The following JADE1 variants were observed in gnomAD, a reference collection of about 807,000 sequenced individuals.
JADE1 encodes the protein jade family PHD finger 1.
In JADE1, 14 loss-of-function variants were observed where a neutral mutation model predicts 81.8. That is an observed-to-expected ratio of 0.17 (90% CI 0.11 to 0.27). JADE1 has a LOEUF of 0.27. Among genes scored for constraint, JADE1 ranks in the 10% least tolerant of loss-of-function variants. The pLI is 1.00. For synonymous variants in JADE1, 353 were observed against 391.9 expected, an observed-to-expected ratio of 0.90 and a Z score of 1.17; for missense variants, 690 against 1,047.9, an observed-to-expected ratio of 0.66 and a Z score of 4.71.
chr4:128,862,272 C>T, intron 9 of JADE1, 47 bp downstream of exon 9: 5 of 1,610,626 alleles, frequency 3.1e-6, no homozygotes, highest in Non-Finnish European at 3.4e-6. Flanking sequence ...GAAGAAGATG[C>T]AAAGAGGCGA....
At chr4:128,815,140 C>CCCTGTAAGCTCCGCCTT in intron 1 of JADE1, among the ~76,000 whole-genome samples, 1 of 145,006 alleles carries the variant, frequency 6.9e-6, no homozygotes, top group Non-Finnish European at 1.5e-5. Context: ...AGCTCCGCCT[C>CCCTGTAAGCTCCGCCTT]CCTGTAAGCT....
rs2125856397 is a variant in JADE1 at position 128,846,321 on chromosome 4, T to C, written c.139-54T>C. 6.4e-7 allele frequency: 1 copy of C among 1,567,122 alleles called. No homozygotes were observed. ...ATGGTTACATTGCAGCTGCCAGCAC[T>C]CTGAATAAGAATGCAAATATCAAAT... On this transcript the variant is annotated intron_variant, in intron 3 of 10. Transcript: ENST00000226319. This position sits in a 1 kb window ranked among gnomAD's most constrained non-coding sequence, Gnocchi z 4.0.
chr4:128,849,185 C>T lies in JADE1; in HGVS notation c.484+18C>T. The T allele has an allele frequency of 6.3e-7, 1 of 1,578,096 alleles. No homozygotes were observed. The highest frequency in any genetic ancestry group is 8.6e-7 in the Non-Finnish European group (1 of 1,158,150). ...GGAGATGGGTGAGAGACCATGTATTCTATTATTTTATTAACCAATGATGAA... is the reference window on the plus strand; with the variant it reads ...GGAGATGGGTGAGAGACCATGTATTTTATTATTTTATTAACCAATGATGAA... On this transcript the variant is annotated intron_variant, in intron 5 of 10. Coordinates refer to ENST00000226319, the MANE Select transcript of JADE1 (RefSeq NM_199320.4).
At chr4:128,861,585 C>T in intron 8 of JADE1, 119 bp from the exon 9 acceptor site, 10 of 1,143,254 alleles carry the variant, frequency 8.7e-6, no homozygotes, top group African/African-American at 1.5e-5. Flanking sequence ...TGTCATGGCA[C>T]ATGCTTGAAG....
chr4:128,852,361 G>T, intron 6 of JADE1, 93 bp downstream of exon 6: 2 of 967,376 alleles, frequency 2.1e-6, no homozygotes, highest in East Asian at 2.4e-5. Context: ...TTCTTCCTCC[G>T]AATGGGGTCT....
chr4:128,827,989 C>A, intron 1 of JADE1: 2 of 544,914 alleles, frequency 3.7e-6, no homozygotes, highest in Non-Finnish European at 4.7e-6. Flanking sequence ...CTCAGTCTTA[C>A]CAGCCTCCTC....
chr4:128,842,784 T>A (rs534213379), intron 2 of JADE1, among the ~76,000 whole-genome samples, 169 bp from the exon 3 acceptor site: 1 of 152,236 alleles, frequency 6.6e-6, no homozygotes, highest in South Asian at 2.1e-4. Flanking sequence ...GAGAGTTAAA[T>A]AACTGATGGA....
In JADE1 at chr4:128,871,771, C is replaced by A. The variant is rs753133463; in HGVS notation, c.2038C>A (p.Gln680Lys). Residue 680 changes from glutamine (Q) to lysine (K), a missense_variant, in exon 11 of 11, where the codon CAG becomes AAG. Physicochemically the swap from Gln to Lys is moderately conservative, Grantham distance 53. Transcript: ENST00000226319. This position sits in a 1 kb window ranked among gnomAD's most constrained non-coding sequence, Gnocchi z 4.1. ...KGDLKDKSFK[Q>K]SHKPLRSTDV... ...AGACTTAAAGGACAAATCTTTTAAA[C>A]AGAGTCACAAGCCTCTCAGGTCCAC... 2.2e-5 allele frequency: 35 copies of A among 1,614,002 alleles called. 1 individual carries two copies. The South Asian group carries it at 3.7e-4, about 17-fold the overall frequency.
intron 1 of JADE1, among the ~76,000 whole-genome samples, chr4:128,813,427 T>TG (rs60830879): frequency 4.4e-5 from 6 of 136,600 alleles, no homozygotes; most frequent in African/African-American, 1.5e-4. Context: ...TTTTTTTTTT[T>TG]GTTCCTTGAG....
At chr4:128,813,149 G>A (rs2125781324) in intron 1 of JADE1, among the ~76,000 whole-genome samples, 1 of 152,328 alleles carries the variant, frequency 6.6e-6, no homozygotes, top group Admixed American at 6.5e-5. Flanking sequence ...AGATTTTATA[G>A]TAAGTTGCAT....
In JADE1 at chr4:128,874,050, T is replaced by C. The variant is rs1380821614; in HGVS notation, c.*1788T>C. ...AGGTTTTTAGATTGACTGACTATTT[T>C]TGAGTTATGGGGCTCATTTTGAAAG... On this transcript the variant is annotated 3_prime_UTR_variant, in exon 11 of 11. Coordinates refer to ENST00000226319, the MANE Select transcript of JADE1 (RefSeq NM_199320.4). 1 of 152,652 alleles carries C rather than the reference T, an allele frequency of 6.6e-6. No homozygotes were observed. The highest frequency in any genetic ancestry group is 1.9e-4 in the East Asian group (1 of 5,196). The allele number at this position is 152,652 out of a possible 1,614,324, so 9.5% of individuals were successfully genotyped here. A position where few individuals can be genotyped will look rare whatever the true frequency, so the allele number is the denominator to read the frequency against.
rs963416315 is a variant in JADE1 at position 128,846,949 on chromosome 4, G to A, written c.296+417G>A. Among the ~76,000 whole-genome samples the A allele has an allele frequency of 1.3e-5, 2 of 152,220 alleles. No individual in the cohort carries two copies. Among genetic ancestry groups the A allele is most frequent in the African/African-American group, 4.8e-5 (2 of 41,452 alleles). ...GCTTTGTTGGGAACTAGCGCGGGCA[G>A]CTGCTCTGCCTACTGCGGTTGCCTC... On this transcript the variant is annotated intron_variant, in intron 4 of 10. Transcript: ENST00000226319. This position sits in a 1 kb window ranked among gnomAD's most constrained non-coding sequence, Gnocchi z 4.0.
intron 2 of JADE1, among the ~76,000 whole-genome samples, chr4:128,838,818 A>T (rs1008217958): frequency 2.0e-5 from 3 of 151,870 alleles, no homozygotes; most frequent in Non-Finnish European, 4.4e-5. Context: ...CTGTAGGGAG[A>T]GGTGTTGGTG....
chr4:128,830,273 G>A (rs978696197), intron 1 of JADE1, among the ~76,000 whole-genome samples: 1 of 138,600 alleles, frequency 7.2e-6, no homozygotes, highest in African/African-American at 2.7e-5. Flanking sequence ...GGTCTCTGTC[G>A]CCCAGGCTGG....
intron 2 of JADE1, among the ~76,000 whole-genome samples, chr4:128,834,609 A>C (rs1728828848): frequency 1.4e-5 from 2 of 139,248 alleles, no homozygotes. Context: ...ATCTCGGCTC[A>C]CTGCAAGCTC....
At position 128,855,613 on chromosome 4, in the gene JADE1, G is replaced by A. The variant is rs1423001635; in HGVS notation, c.697-17G>A. On this transcript the variant is annotated splice_polypyrimidine_tract_variant and intron_variant, in intron 6 of 10. Transcript: ENST00000226319. ...CTCTTTCTCTCTATTCCTCTGGGAT[G>A]TGCCGTGGCATCACAGGCCTGTTAT... 5 of 1,597,408 alleles carry A rather than the reference G, an allele frequency of 3.1e-6. No homozygotes were observed. Among genetic ancestry groups the A allele is most frequent in the Non-Finnish European group, 4.3e-6 (5 of 1,169,476 alleles).
At chr4:128,848,539 CG>C (rs1381309231) in intron 4 of JADE1, among the ~76,000 whole-genome samples, 1 of 152,062 alleles carries the variant, frequency 6.6e-6, no homozygotes, top group Non-Finnish European at 1.5e-5. Context: ...TGAGGGTTGG[CG>C]GGTTTCTCCC....
At position 128,809,725 on chromosome 4, in the gene JADE1, C is replaced by G. The variant is rs950232639; in HGVS notation, c.-179C>G. On this transcript the variant is annotated 5_prime_UTR_variant, in exon 1 of 11. Transcript: ENST00000226319. ...CTCCATAACAAGCCAAACGCCAGACCGAGAGTGCCTCCGTGCGCGAGTGCC... is the reference window on the plus strand; with the variant it reads ...CTCCATAACAAGCCAAACGCCAGACGGAGAGTGCCTCCGTGCGCGAGTGCC... The G allele has an allele frequency of 6.6e-6, 1 of 152,292 alleles. No individual in the cohort carries two copies. Among genetic ancestry groups the G allele is most frequent in the African/African-American group, 2.4e-5 (1 of 41,442 alleles). The allele number at this position is 152,292 out of a possible 1,614,324, so 9.4% of individuals were successfully genotyped here. A position where few individuals can be genotyped will look rare whatever the true frequency, so the allele number is the denominator to read the frequency against.
Position 128,861,853 on chromosome 4 carries a change from T to C in JADE1, c.1131T>C (p.Ser377=), listed in dbSNP as rs757280048. 1 of 1,613,800 alleles carries C rather than the reference T, an allele frequency of 6.2e-7. No individual in the cohort carries two copies. Among genetic ancestry groups the C allele is most frequent in the Admixed American group, 1.7e-5 (1 of 59,994 alleles). ...GCTCACATAGGAAACCCGAGGAGAG[T>C]CTTGGCAAGGGGGCTGCACAGGAGA... ...KHSSHRKPEE[S]LGKGAAQENG... Residue 377 remains serine, a synonymous_variant, in exon 9 of 11, where the codon AGT becomes AGC. Coordinates refer to ENST00000226319, the MANE Select transcript of JADE1 (RefSeq NM_199320.4).
Sources: allele counts gnomAD v4.1 joint callset (sites outside exome capture counted in the v4.1 genomes callset), GRCh38; gene constraint gnomAD v4.1.1; non-coding constraint Gnocchi (gnomAD v3.1); transcripts MANE v1.5; gene names NCBI Gene and HGNC (gene_info 2026-07-23, HGNC 2026-07-21).